STX8: variants seen among roughly 807,000 people sequenced by gnomAD.
STX8 encodes the protein syntaxin 8.
STX8 carries 23 observed loss-of-function variants against 37.5 expected under a neutral mutation model. The observed-to-expected ratio is 0.61, with a 90% CI of 0.44 to 0.87. The LOEUF (loss-of-function observed/expected upper bound fraction) is 0.87. STX8 is among the 40% of genes least tolerant of loss of function. The pLI is 0.00. For missense variants in STX8, 313 were observed against 284.7 expected (o/e 1.10, Z -0.71); for synonymous variants, 115 against 99.1 (o/e 1.16, Z -0.95).
intron 5 of STX8, among the ~76,000 whole-genome samples, chr17:9,501,297 A>G (rs1402750973): frequency 6.6e-6 from 1 of 152,226 alleles, no homozygotes; most frequent in Admixed American, 6.5e-5. Flanking sequence ...GACCTGTACT[A>G]TCTTACTTAA....
At chr17:9,414,630 G>A (rs898376335) in intron 6 of STX8, among the ~76,000 whole-genome samples, 1 of 152,030 alleles carries the variant, frequency 6.6e-6, no homozygotes, top group Non-Finnish European at 1.5e-5. Flanking sequence ...TGACACCCAG[G>A]TGTCACAGGG....
At chr17:9,341,895 T>C (rs1016574636) in intron 7 of STX8, among the ~76,000 whole-genome samples, 4 of 151,610 alleles carry the variant, frequency 2.6e-5, no homozygotes, top group African/African-American at 9.7e-5. Context: ...TCCATAGGGG[T>C]AGAGGAACAA....
Position 9,507,184 on chromosome 17 carries a change from C to G in STX8, c.324-2022G>C, listed in dbSNP as rs1597715279. 2.6e-5 allele frequency among the ~76,000 whole-genome samples: 4 copies of G among 152,164 alleles called. No individual in the cohort carries two copies. The highest frequency in any genetic ancestry group is 2.6e-4 in the Admixed American group (4 of 15,296). On this transcript the variant is annotated intron_variant, in intron 4 of 7. Coordinates refer to ENST00000306357, the MANE Select transcript of STX8 (RefSeq NM_004853.3). The surrounding 1 kb of genome is among the most constrained non-coding windows in gnomAD (Gnocchi z 4.0). ...TCTATGAAACAGTCGGGCAGTGCAGCCCCCTACAGACATGCCCCCGGCCTG... is the reference window on the plus strand; with the variant it reads ...TCTATGAAACAGTCGGGCAGTGCAGGCCCCTACAGACATGCCCCCGGCCTG...
chr17:9,269,182 G>A lies in STX8; in HGVS notation c.644-18537C>T, dbSNP rs142792411. Among the ~76,000 whole-genome samples, 747 of 116,756 alleles carry A rather than the reference G, an allele frequency of 6.4e-3. 12 individuals carry two copies. The highest frequency in any genetic ancestry group is 0.032 in the African/African-American group (669 of 20,932). The allele number at this position is 116,756 out of a possible 152,430, so 76.6% of individuals were successfully genotyped here. ...AGCCTGGGCGATAGAGCAAGACTCC[G>A]TCTCAAAAAAAAAAAAAAAAAGAAG... On this transcript the variant is annotated intron_variant, in intron 7 of 7. Coordinates refer to ENST00000306357, the MANE Select transcript of STX8 (RefSeq NM_004853.3).
intron 4 of STX8, among the ~76,000 whole-genome samples, chr17:9,534,133 A>C (rs2142546867): frequency 6.6e-6 from 1 of 152,352 alleles, no homozygotes; most frequent in Non-Finnish European, 1.5e-5. Flanking sequence ...TAGAGAATTA[A>C]GAAAATGGCT....
Position 9,373,117 on chromosome 17 carries a change from AAAAG to A in STX8, c.643+5431_643+5434del, listed in dbSNP as rs1210922042. On this transcript the variant is annotated intron_variant, in intron 7 of 7. Transcript: ENST00000306357. ...AAGAAGACTCCATCTCAAAAAAAAA[AAAAG>A]AAAAGAAAAGAAAAAGAAAAAGAAA... Among the ~76,000 whole-genome samples, 500 of 151,152 alleles carry A rather than the reference AAAAG, an allele frequency of 3.3e-3. 1 individual carries two copies. Among genetic ancestry groups the A allele is most frequent in the African/African-American group, 0.011 (465 of 41,058 alleles).
intron 7 of STX8, among the ~76,000 whole-genome samples, chr17:9,308,709 G>A (rs975325742): frequency 8.7e-5 from 11 of 126,662 alleles, no homozygotes; most frequent in Non-Finnish European, 1.6e-4. Flanking sequence ...GAGGACAACA[G>A]TGAAACTCCG....
chr17:9,341,405 G>T (rs1375602706), intron 7 of STX8, among the ~76,000 whole-genome samples: 3 of 152,162 alleles, frequency 2.0e-5, no homozygotes, highest in African/African-American at 7.2e-5. Flanking sequence ...GGCATAGAGG[G>T]AAAGTAGAGT....
intron 4 of STX8, among the ~76,000 whole-genome samples, chr17:9,519,478 C>T (rs1905262649): frequency 3.3e-5 from 5 of 152,098 alleles, no homozygotes; most frequent in Admixed American, 3.3e-4. Context: ...TGCCTTGGCT[C>T]AGACACCCAT....
At chr17:9,417,196 CTCTT>C (rs1913231974) in intron 6 of STX8, among the ~76,000 whole-genome samples, 1 of 152,194 alleles carries the variant, frequency 6.6e-6, no homozygotes, top group Non-Finnish European at 1.5e-5. Context: ...CTGCATTAAA[CTCTT>C]TCTCTACTGC....
At chr17:9,544,655 G>A (rs111575050) in intron 4 of STX8, among the ~76,000 whole-genome samples, 1,698 of 152,254 alleles carry the variant, frequency 0.011, 36 homozygotes, top group African/African-American at 0.038. Flanking sequence ...TTCCACCCAA[G>A]ATGGGATTCA....
At position 9,401,511 on chromosome 17, in the gene STX8, C is replaced by T. The variant is rs989034946; in HGVS notation, c.542-22858G>A. 3.9e-5 allele frequency among the ~76,000 whole-genome samples: 6 copies of T among 152,284 alleles called. No homozygotes were observed. The South Asian group carries it at 1.0e-3, about 26-fold the overall frequency. On this transcript the variant is annotated intron_variant, in intron 6 of 7. Transcript: ENST00000306357. ...TGTCAAAACAGGCCCACATGGATTA[C>T]GTAACTTGTCCAAGTTACCTCACTA...
intron 7 of STX8, among the ~76,000 whole-genome samples, chr17:9,304,289 C>A (rs1289288610): frequency 6.6e-6 from 1 of 152,056 alleles, no homozygotes; most frequent in African/African-American, 2.4e-5. Context: ...GTGGGCAGAT[C>A]ACCTGAGGTC....
intron 7 of STX8, among the ~76,000 whole-genome samples, chr17:9,358,799 G>C (rs74897954): frequency 0.094 from 14,356 of 152,208 alleles, 785 homozygotes; most frequent in Non-Finnish European, 0.11. Context: ...CTGGAACTGA[G>C]AGAAAACAGG....
chr17:9,322,702 G>A (rs1455037609), intron 7 of STX8, among the ~76,000 whole-genome samples: 1 of 151,510 alleles, frequency 6.6e-6, no homozygotes, highest in Non-Finnish European at 1.5e-5. Flanking sequence ...CTTATATTGT[G>A]AGCAGTGGAA....
At chr17:9,314,993 T>A (rs1190249177) in intron 7 of STX8, among the ~76,000 whole-genome samples, 2 of 150,228 alleles carry the variant, frequency 1.3e-5, no homozygotes, top group African/African-American at 4.9e-5. Context: ...TCCCAGCTAC[T>A]TGGGAGGCTG....
intron 7 of STX8, among the ~76,000 whole-genome samples, chr17:9,336,273 T>C (rs565314472): frequency 6.6e-6 from 1 of 152,178 alleles, no homozygotes; most frequent in African/African-American, 2.4e-5. Flanking sequence ...ATGATCAAGA[T>C]CCATCTGCCA....
At position 9,505,059 on chromosome 17, in the gene STX8, G is replaced by T; in HGVS notation, c.427C>A (p.Gln143Lys). The T allele has an allele frequency of 6.2e-7, 1 of 1,605,738 alleles. No individual in the cohort carries two copies. Among genetic ancestry groups the T allele is most frequent in the Non-Finnish European group, 8.5e-7 (1 of 1,175,966 alleles). The change falls in exon 5 of 8, where the codon CAG becomes AAG. Residue 143 changes from glutamine to lysine, a missense_variant. Physicochemically the swap from Gln to Lys is moderately conservative, Grantham distance 53. Transcript: ENST00000306357. The stretch of plus-strand genomic sequence containing the variant: ...GTACCTTGGATAATTTTCTGCTGCT[G>T]TTGCCGGATTTCATCAAAACCCAAG... ...RGLGFDEIRQ[Q>K]QQKIIQEQDA...
At chr17:9,457,210 T>C (rs982611075) in intron 6 of STX8, among the ~76,000 whole-genome samples, 1 of 152,220 alleles carries the variant, frequency 6.6e-6, no homozygotes, top group Non-Finnish European at 1.5e-5. Context: ...TACAAAGTTA[T>C]CATCTTATAG....
Sources: allele counts gnomAD v4.1 joint callset (sites outside exome capture counted in the v4.1 genomes callset), GRCh38; gene constraint gnomAD v4.1.1; non-coding constraint Gnocchi (gnomAD v3.1); transcripts MANE v1.5; gene names NCBI Gene and HGNC (gene_info 2026-07-23, HGNC 2026-07-21).